NCOA1: variants seen among roughly 807,000 people sequenced by gnomAD.
NCOA1 encodes nuclear receptor coactivator 1.
Under a neutral mutation model 150.9 loss-of-function variants are expected in NCOA1, and 35 were observed. The ratio of observed to expected loss-of-function variants is 0.23; its 90% CI spans 0.18 to 0.31. The LOEUF (loss-of-function observed/expected upper bound fraction) is 0.31, where lower values mean the gene tolerates loss of function less well. Ranked by LOEUF, NCOA1 falls within the 10% of genes least tolerant of loss-of-function variation. NCOA1 has a pLI of 1.00. For missense variants in NCOA1, 1,491 were observed against 1,749.3 expected (o/e 0.85, Z 2.63); for synonymous variants, 590 against 630.0 (o/e 0.94, Z 0.95).
chr2:24,679,526 A>G (rs1277698062), intron 7 of NCOA1, among the ~76,000 whole-genome samples: 3 of 152,218 alleles, frequency 2.0e-5, no homozygotes, highest in Non-Finnish European at 2.9e-5. Flanking sequence ...TATTTATAAT[A>G]CAAAGCAAGT....
intron 1 of NCOA1, among the ~76,000 whole-genome samples, chr2:24,548,751 A>G (rs1025310797): frequency 6.6e-6 from 1 of 152,188 alleles, no homozygotes; most frequent in African/African-American, 2.4e-5. Context: ...TAAAGCTTCA[A>G]AATGATCTCC....
chr2:24,744,772 T>G (rs560311706), intron 19 of NCOA1, among the ~76,000 whole-genome samples: 1 of 152,346 alleles, frequency 6.6e-6, no homozygotes, highest in South Asian at 2.1e-4. Flanking sequence ...AAATAAAGTT[T>G]TAATGGAACA....
intron 1 of NCOA1, among the ~76,000 whole-genome samples, chr2:24,503,721 A>G (rs1663564887): frequency 6.7e-6 from 1 of 149,072 alleles, no homozygotes; most frequent in Non-Finnish European, 1.5e-5. Context: ...TTTATCATGT[A>G]TACTTGTCTC....
chr2:24,501,811 A>G (rs921052044), intron 1 of NCOA1, among the ~76,000 whole-genome samples: 2 of 152,172 alleles, frequency 1.3e-5, no homozygotes, highest in Non-Finnish European at 2.9e-5. Context: ...AGCTTTCACC[A>G]AATTTCTGAA....
At chr2:24,533,468 A>G (rs930538403) in intron 1 of NCOA1, among the ~76,000 whole-genome samples, 1 of 152,206 alleles carries the variant, frequency 6.6e-6, no homozygotes, top group Non-Finnish European at 1.5e-5. Context: ...CCCTGGCCAG[A>G]ACTTCCAACA....
At chr2:24,502,652 C>A (rs544585969) in intron 1 of NCOA1, among the ~76,000 whole-genome samples, 4 of 152,236 alleles carry the variant, frequency 2.6e-5, no homozygotes, top group African/African-American at 9.6e-5. Flanking sequence ...CTAGTCTGCC[C>A]CAGTAAATTG....
intron 3 of NCOA1, among the ~76,000 whole-genome samples, chr2:24,588,443 G>T (rs979199547): frequency 2.6e-5 from 4 of 152,184 alleles, no homozygotes; most frequent in African/African-American, 9.7e-5. Context: ...GGTTTCTGCT[G>T]TTGGAAAGGA....
At chr2:24,549,631 A>G (rs1225864016) in intron 1 of NCOA1, among the ~76,000 whole-genome samples, 2 of 152,192 alleles carry the variant, frequency 1.3e-5, no homozygotes, top group African/African-American at 4.8e-5. Context: ...CAGTGGCGCA[A>G]TCTGGGCTCA....
At chr2:24,663,799 A>T in intron 5 of NCOA1, among the ~76,000 whole-genome samples, 1 of 152,114 alleles carries the variant, frequency 6.6e-6, no homozygotes, top group Admixed American at 6.5e-5. Context: ...TTGCCAGTTC[A>T]TTACTTTTAG....
chr2:24,734,593 G>T (rs952647979), intron 17 of NCOA1, among the ~76,000 whole-genome samples: 4 of 152,034 alleles, frequency 2.6e-5, no homozygotes, highest in Admixed American at 1.3e-4. Context: ...TTAGGAGTTT[G>T]AGACTAGCCT....
At chr2:24,494,760 G>A (rs1211151464) in intron 1 of NCOA1, among the ~76,000 whole-genome samples, 1 of 152,148 alleles carries the variant, frequency 6.6e-6, no homozygotes, top group East Asian at 1.9e-4. Flanking sequence ...CACTGTATCT[G>A]ATCTGGGCTG....
intron 14 of NCOA1, among the ~76,000 whole-genome samples, chr2:24,720,936 C>G (rs1294527329): frequency 1.3e-5 from 2 of 152,184 alleles, no homozygotes; most frequent in African/African-American, 4.8e-5. Flanking sequence ...TGAACTGTGT[C>G]ACGTACAAAT....
At chr2:24,761,787 AAGC>A (rs1664805208) in intron 21 of NCOA1, among the ~76,000 whole-genome samples, 1 of 152,198 alleles carries the variant, frequency 6.6e-6, no homozygotes, top group East Asian at 1.9e-4. Context: ...ACTGCGACCA[AAGC>A]AGTATTTTTT....
intron 1 of NCOA1, among the ~76,000 whole-genome samples, chr2:24,555,119 C>A (rs899721898): frequency 1.3e-5 from 2 of 152,028 alleles, no homozygotes; most frequent in Non-Finnish European, 2.9e-5. Context: ...GAGGGGACTT[C>A]CGAGAGGAAA....
Position 24,576,170 on chromosome 2 carries a change from G to GTTTTTGTTTTTGTT in NCOA1, c.-259-8301_-259-8300insGTTTTTGTTTTTTT, listed in dbSNP as rs1666967476. On this transcript the variant is annotated intron_variant, in intron 2 of 22. Transcript: ENST00000348332. ...CTTTGTTTTTTTTTTTTTGTTTTTTGTTTTTTTTTTTTTTTTTTTTTGTTT... is the reference window on the plus strand; with the variant it reads ...CTTTGTTTTTTTTTTTTTGTTTTTTGTTTTTGTTTTTGTTTTTTTTTTTTTTTTTTTTTTTGTTT... Among the ~76,000 whole-genome samples the GTTTTTGTTTTTGTT allele has an allele frequency of 3.3e-3, 154 of 46,254 alleles. 3 individuals are homozygous for GTTTTTGTTTTTGTT. Among genetic ancestry groups the GTTTTTGTTTTTGTT allele is most frequent in the African/African-American group, 7.9e-3 (123 of 15,668 alleles). 30.3% of individuals were successfully genotyped at this position (46,254 alleles called of 152,430 possible).
At chr2:24,764,120 T>G (rs139539244) in intron 22 of NCOA1, among the ~76,000 whole-genome samples, 121 of 152,294 alleles carry the variant, frequency 7.9e-4, no homozygotes, top group African/African-American at 2.8e-3. Flanking sequence ...TAAGCCTCAC[T>G]ATAACCCTAT....
chr2:24,550,872 G>A (rs1166063295), intron 1 of NCOA1, among the ~76,000 whole-genome samples: 2 of 152,196 alleles, frequency 1.3e-5, no homozygotes, highest in African/African-American at 2.4e-5. Flanking sequence ...ACTTTGGGAG[G>A]CCAAGGCGGG....
At chr2:24,678,059 C>T (rs1171797853) in intron 7 of NCOA1, among the ~76,000 whole-genome samples, 1 of 152,104 alleles carries the variant, frequency 6.6e-6, no homozygotes, top group African/African-American at 2.4e-5. Context: ...CAACAGGCCT[C>T]AGTGTGTGTT....
rs1367137655 is a variant in NCOA1 at position 24,639,856 on chromosome 2, C to T, written c.-174-4110C>T. ...TGAGCAGAGATCGTGCTATTGCACT[C>T]CAGCCCGGGCGACAGTGCGAGACTC... On this transcript the variant is annotated intron_variant, in intron 3 of 22. Transcript: ENST00000348332. Among the ~76,000 whole-genome samples the T allele has an allele frequency of 2.1e-5, 3 of 141,552 alleles. No individual in the cohort carries two copies. The East Asian group carries it at 6.1e-4, about 29-fold the overall frequency. 92.9% of individuals were successfully genotyped at this position (141,552 alleles called of 152,430 possible). A position where few individuals can be genotyped will look rare whatever the true frequency, so the allele number is the denominator to read the frequency against.
Sources: gnomAD v4.1 joint callset for allele counts (sites outside exome capture counted in the v4.1 genomes callset) on GRCh38, gnomAD v4.1.1 for gene constraint, MANE v1.5 for transcripts, NCBI Gene and HGNC (gene_info 2026-07-23, HGNC 2026-07-21) for gene names.